Variants in STON2 observed in about 807,000 individuals in gnomAD.
The protein encoded by STON2 is stonin-2.
Under a neutral mutation model 65.7 loss-of-function variants are expected in STON2, and 29 were observed. That is an observed-to-expected ratio of 0.44 (90% confidence interval 0.33 to 0.60). The LOEUF (loss-of-function observed/expected upper bound fraction) is 0.60, where lower values mean the gene tolerates loss of function less well. Ranked by LOEUF, STON2 falls within the 20% of genes least tolerant of loss-of-function variation. The pLI is 0.03. For synonymous variants in STON2, 404 were observed against 414.2 expected (o/e 0.98, Z 0.30); for missense variants, 1,054 against 1,118.1 (o/e 0.94, Z 0.82).
intron 4 of STON2, among the ~76,000 whole-genome samples, chr14:81,333,789 T>A (rs1209859051): frequency 1.3e-5 from 2 of 152,040 alleles, no homozygotes; most frequent in African/African-American, 4.8e-5. Flanking sequence ...GATTTTCTAG[T>A]TTTGAACAGC....
Position 81,278,446 on chromosome 14 carries a change from C to T in STON2, c.1036G>A (p.Val346Ile). The T allele has an allele frequency of 6.2e-7, 1 of 1,614,208 alleles. No individual in the cohort carries two copies. Among genetic ancestry groups the T allele is most frequent in the Non-Finnish European group, 8.5e-7 (1 of 1,180,040 alleles). The change falls in exon 6 of 8, where the codon GTT becomes ATT. Residue 346 changes from valine to isoleucine, a missense_variant. By Grantham distance (29) the Val-to-Ile change is conservative (BLOSUM62 3). Transcript: ENST00000614646. ...AAAGAGGAAATATCCAGCTTCTGAA[C>T]TTTGGAGAAGTTCATCAAAGTGCTC... ...PKSTLMNFSK[V>I]QKLDISSLNR...
At chr14:81,342,326 G>C (rs1166556543) in intron 4 of STON2, among the ~76,000 whole-genome samples, 1 of 151,988 alleles carries the variant, frequency 6.6e-6, no homozygotes, top group Non-Finnish European at 1.5e-5. Context: ...GTAGAGATGG[G>C]GTTTCGCCAC....
Position 81,278,081 on chromosome 14 carries a change from A to T in STON2, c.1401T>A (p.Ile467=). The change falls in exon 6 of 8, where the codon ATT becomes ATA. Residue 467 remains isoleucine (I), a synonymous_variant. Transcript: ENST00000614646. ...TLPDDDPVAW[I]ELDAHPPGSA... ...ATCCAGGCGGGTGAGCATCTAGTTC[A>T]ATCCAGGCTACTGGGTCATCATCAG... The T allele has an allele frequency of 6.2e-7, 1 of 1,614,168 alleles. No homozygotes were observed. Among genetic ancestry groups the T allele is most frequent in the South Asian group, 1.1e-5 (1 of 91,070 alleles).
intron 3 of STON2, among the ~76,000 whole-genome samples, chr14:81,386,389 G>A (rs1035549733): frequency 4.6e-5 from 7 of 151,530 alleles, no homozygotes; most frequent in Non-Finnish European, 7.4e-5. Flanking sequence ...AGAAATTAAC[G>A]GCGGGGCTAG....
rs187540471 is a variant in STON2, at chr14:81,298,176, T to C, written c.743-19437A>G. Among the ~76,000 whole-genome samples the C allele has an allele frequency of 5.9e-4, 90 of 152,316 alleles. 1 individual carries two copies. In the Middle Eastern group the frequency reaches 0.02, roughly 35 times the overall value. On this transcript the variant is annotated intron_variant, in intron 5 of 7. Transcript: ENST00000614646. ...AATAGAGCTCCTTGTGGGGGCTCTA[T>C]AATTCCAGCGATGAAGCCTATTCTA...
At chr14:81,401,777 A>C (rs923118982), upstream of STON2, among the ~76,000 whole-genome samples, 1 of 152,196 alleles carries the variant, frequency 6.6e-6, no homozygotes, top group Non-Finnish European at 1.5e-5. Context: ...AAATTTGTAG[A>C]AGGGAGAATG....
Position 81,261,710 on chromosome 14 carries a change from G to T in STON2, c.*6704C>A. The stretch of plus-strand genomic sequence containing the variant: ...ATCATCCCCAGTACTTGGAGGGTTA[G>T]ACCTACTTCTGTGTCAGGTAGCACC... On this transcript the variant is annotated 3_prime_UTR_variant, in exon 8 of 8. Coordinates refer to ENST00000614646, the MANE Select transcript of STON2 (RefSeq NM_001394390.1). 2.2e-6 allele frequency: 3 copies of T among 1,376,332 alleles called. No individual in the cohort carries two copies. The highest frequency in any genetic ancestry group is 1.7e-5 in the South Asian group (1 of 58,034). 85.3% of individuals were successfully genotyped at this position (1,376,332 alleles called of 1,614,324 possible). A position where few individuals can be genotyped will look rare whatever the true frequency, so the allele number is the denominator to read the frequency against.
intron 1 of STON2, among the ~76,000 whole-genome samples, chr14:81,431,440 C>T (rs1457071316): frequency 6.6e-6 from 1 of 152,078 alleles, no homozygotes; most frequent in Non-Finnish European, 1.5e-5. Flanking sequence ...GAGTTCGAGA[C>T]CAGCCTGGCC....
At chr14:81,406,230 C>T (rs1900852335) in intron 2 of STON2, among the ~76,000 whole-genome samples, 1 of 152,112 alleles carries the variant, frequency 6.6e-6, no homozygotes, top group Non-Finnish European at 1.5e-5. Context: ...GTGATCAATA[C>T]TCCTTAATAA....
At chr14:81,327,797 T>G (rs773535488) in intron 4 of STON2, among the ~76,000 whole-genome samples, 1 of 152,210 alleles carries the variant, frequency 6.6e-6, no homozygotes, top group African/African-American at 2.4e-5. Flanking sequence ...ACTGAGATTA[T>G]TAGTAGTATT....
At chr14:81,432,571 T>C (rs1902265573) in intron 1 of STON2, among the ~76,000 whole-genome samples, 1 of 152,208 alleles carries the variant, frequency 6.6e-6, no homozygotes, top group Non-Finnish European at 1.5e-5. Flanking sequence ...AGAAGTGTGA[T>C]GGATCAGGAT....
In STON2 at chr14:81,276,912, T is replaced by G. The variant is rs1381311180; in HGVS notation, c.2570A>C (p.Asp857Ala). Reference protein sequence around the residue: ...SIVWRINRLPDKNSASGHPHC... With the variant: ...SIVWRINRLPAKNSASGHPHC... ...GAACCACCACCCACCTGAGTTTTTGTCCGGCAGTCGGTTTATCCTCCACAC... is the reference window on the plus strand; with the variant it reads ...GAACCACCACCCACCTGAGTTTTTGGCCGGCAGTCGGTTTATCCTCCACAC... Residue 857 changes from aspartate (D) to alanine (A), a missense_variant, in exon 6 of 8, where the codon GAC becomes GCC. Coordinates refer to ENST00000614646, the MANE Select transcript of STON2 (RefSeq NM_001394390.1). 2 of 1,607,372 alleles carry G rather than the reference T, an allele frequency of 1.2e-6. No homozygotes were observed. Among genetic ancestry groups the G allele is most frequent in the African/African-American group, 2.7e-5 (2 of 74,786 alleles).
intron 1 of STON2, among the ~76,000 whole-genome samples, chr14:81,430,671 C>G (rs1902191921): frequency 6.6e-6 from 1 of 152,098 alleles, no homozygotes; most frequent in South Asian, 2.1e-4. Flanking sequence ...TACTGCATTT[C>G]AGAAAGAGAG....
At chr14:81,399,000 A>C (rs2140446190) in intron 1 of STON2, among the ~76,000 whole-genome samples, 1 of 152,256 alleles carries the variant, frequency 6.6e-6, no homozygotes, top group Admixed American at 6.5e-5. Context: ...TAGGCAGGTA[A>C]CTCTTTATAA....
intron 4 of STON2, among the ~76,000 whole-genome samples, chr14:81,367,471 C>A (rs750871854): frequency 2.0e-5 from 3 of 152,218 alleles, no homozygotes; most frequent in Non-Finnish European, 2.9e-5. Flanking sequence ...GCCACCATGC[C>A]TGGACAAATG....
At chr14:81,311,710 T>A (rs1364004196) in intron 5 of STON2, among the ~76,000 whole-genome samples, 1 of 152,198 alleles carries the variant, frequency 6.6e-6, no homozygotes, top group African/African-American at 2.4e-5. Context: ...TAGAAATAAT[T>A]CTGTTAAAAT....
At position 81,262,397 on chromosome 14, in the gene STON2, T is replaced by C; in HGVS notation, c.*6017A>G. 1 of 985,322 alleles carries C rather than the reference T, an allele frequency of 1.0e-6. No individual in the cohort carries two copies. Among genetic ancestry groups the C allele is most frequent in the Non-Finnish European group, 1.2e-6 (1 of 829,828 alleles). 61.0% of individuals were successfully genotyped at this position (985,322 alleles called of 1,614,324 possible). A position where few individuals can be genotyped will look rare whatever the true frequency, so the allele number is the denominator to read the frequency against. On this transcript the variant is annotated 3_prime_UTR_variant, in exon 8 of 8. Coordinates refer to ENST00000614646, the MANE Select transcript of STON2 (RefSeq NM_001394390.1). ...CCAGAGTAGACATTTGATAAATATT[T>C]GTTGAGTTGAATTAATCCTGCCATC...
intron 5 of STON2, among the ~76,000 whole-genome samples, chr14:81,283,161 A>T (rs1278228691): frequency 6.6e-6 from 1 of 152,210 alleles, no homozygotes; most frequent in Non-Finnish European, 1.5e-5. Flanking sequence ...TTACTGATGC[A>T]AACTAAAGAG....
chr14:81,311,536 C>A (rs1327021509), intron 5 of STON2, among the ~76,000 whole-genome samples: 1 of 152,144 alleles, frequency 6.6e-6, no homozygotes, highest in Non-Finnish European at 1.5e-5. Context: ...ATCTTATTTC[C>A]TTCTCACAAG....
Sources: gnomAD v4.1 joint callset for allele counts (sites outside exome capture counted in the v4.1 genomes callset) on GRCh38, gnomAD v4.1.1 for gene constraint, MANE v1.5 for transcripts, NCBI Gene and HGNC (gene_info 2026-07-23, HGNC 2026-07-21) for gene names.